The following NDUFA12 variants were observed in gnomAD, a reference collection of about 807,000 sequenced individuals.
NDUFA12 encodes NADH dehydrogenase [ubiquinone] 1 alpha subcomplex subunit 12.
Under a neutral mutation model 20.3 loss-of-function variants are expected in NDUFA12, and 17 were observed. The observed-to-expected ratio is 0.84, with a 90% CI of 0.57 to 1.26. The LOEUF (loss-of-function observed/expected upper bound fraction) is 1.26, where lower values mean the gene tolerates loss of function less well. Among genes scored for constraint, NDUFA12 ranks in the 50% most tolerant of loss-of-function variants. The pLI, the probability that NDUFA12 is intolerant of heterozygous loss-of-function variation, is 0.00. For missense variants in NDUFA12, 191 were observed against 183.7 expected (o/e 1.04, Z -0.23); for synonymous variants, 72 against 63.6 (o/e 1.13, Z -0.63).
At chr12:95,000,799 T>C (rs895659867) in intron 2 of NDUFA12, among the ~76,000 whole-genome samples, 1 of 152,174 alleles carries the variant, frequency 6.6e-6, no homozygotes, top group African/African-American at 2.4e-5. Context: ...GCTACTGGAA[T>C]TTTTTTATAT....
intron 3 of NDUFA12, among the ~76,000 whole-genome samples, chr12:94,992,045 A>G (rs561967917): frequency 3.9e-5 from 6 of 152,312 alleles, no homozygotes; most frequent in African/African-American, 1.4e-4. Flanking sequence ...AGCTCTGATG[A>G]TCAAATTCAA....
Position 95,003,629 on chromosome 12 carries a change from C to G in NDUFA12, c.52G>C (p.Gly18Arg). ...ACCCGTAGATAGCCTCGGAGACCGC[C>G]GTGGCCGGTGATCTGCTGCAGCCCG... The part of the protein sequence containing the change: ...KRGLQQITGH[G>R]GLRGYLRVFF... The change falls in exon 1 of 4, where the codon GGC becomes CGC. Residue 18 changes from glycine to arginine, a missense_variant. Transcript: ENST00000327772. 4 of 1,614,202 alleles carry G rather than the reference C, an allele frequency of 2.5e-6. No individual in the cohort carries two copies. Among genetic ancestry groups the G allele is most frequent in the Admixed American group, 1.7e-5 (1 of 60,022 alleles).
intron 3 of NDUFA12, among the ~76,000 whole-genome samples, chr12:94,988,349 A>G (rs538249521): frequency 2.1e-4 from 32 of 151,998 alleles, no homozygotes; most frequent in African/African-American, 7.2e-4. Flanking sequence ...CGTACACACT[A>G]AAGTATTCAG....
intron 3 of NDUFA12, among the ~76,000 whole-genome samples, chr12:94,992,038 TCTGATGATCAAATTCAATTAA>T (rs2136068416): frequency 6.6e-6 from 1 of 152,296 alleles, no homozygotes; most frequent in South Asian, 2.1e-4. Context: ...CAAAACTAGC[TCTGATGATCAAATTCAATTAA>T]AATAAAATGT....
chr12:94,991,718 C>T (rs938244394), intron 3 of NDUFA12, among the ~76,000 whole-genome samples: 2 of 130,934 alleles, frequency 1.5e-5, no homozygotes, highest in Admixed American at 8.8e-5. Context: ...CAGAGTGAGA[C>T]GCTATCTCAA....
intron 3 of NDUFA12, among the ~76,000 whole-genome samples, chr12:94,983,801 C>G (rs1311580189): frequency 6.6e-6 from 1 of 152,094 alleles, no homozygotes; most frequent in Non-Finnish European, 1.5e-5. Flanking sequence ...CCACACTTGC[C>G]TTGCCTCCTT....
At chr12:94,982,643 C>T (rs1257878894) in intron 3 of NDUFA12, among the ~76,000 whole-genome samples, 1 of 151,946 alleles carries the variant, frequency 6.6e-6, no homozygotes, top group Non-Finnish European at 1.5e-5. Context: ...GAGACAGGTG[C>T]AGGAGCTGCC....
intron 3 of NDUFA12, among the ~76,000 whole-genome samples, chr12:94,973,509 C>T (rs561162378): frequency 5.9e-5 from 9 of 152,246 alleles, no homozygotes; most frequent in South Asian, 2.1e-4. Context: ...TGTGAGCTTA[C>T]GGCACAGCTG....
At chr12:94,987,818 G>T (rs80348757) in intron 3 of NDUFA12, among the ~76,000 whole-genome samples, 3,028 of 132,924 alleles carry the variant, frequency 0.023, 103 homozygotes, top group African/African-American at 0.079. Flanking sequence ...AAAAAAAAAG[G>T]TAAAGAAAAA....
At chr12:94,982,295 A>T (rs1317546380) in intron 3 of NDUFA12, among the ~76,000 whole-genome samples, 4 of 127,878 alleles carry the variant, frequency 3.1e-5, no homozygotes, top group Non-Finnish European at 6.6e-5. Flanking sequence ...TTTTTTTTTG[A>T]GACAGAGTCT....
chr12:94,999,353 AAATC>A (rs1874944174), intron 2 of NDUFA12, among the ~76,000 whole-genome samples: 1 of 151,652 alleles, frequency 6.6e-6, no homozygotes, highest in Non-Finnish European at 1.5e-5. Context: ...TCAAAGAGTT[AAATC>A]TAAGACCTGA....
chr12:94,977,429 G>A (rs1432332682), intron 3 of NDUFA12, among the ~76,000 whole-genome samples: 3 of 151,856 alleles, frequency 2.0e-5, no homozygotes, highest in African/African-American at 4.8e-5. Flanking sequence ...TTATGATCAC[G>A]GCACTACACT....
At chr12:94,975,780 G>A (rs1874046040) in intron 3 of NDUFA12, among the ~76,000 whole-genome samples, 1 of 152,188 alleles carries the variant, frequency 6.6e-6, no homozygotes, top group Non-Finnish European at 1.5e-5. Flanking sequence ...CAGGTATGGT[G>A]CCTCACACCT....
chr12:95,001,083 T>C (rs1875009898), intron 2 of NDUFA12, among the ~76,000 whole-genome samples: 1 of 152,142 alleles, frequency 6.6e-6, no homozygotes, highest in South Asian at 2.1e-4. Context: ...GACAAGAGGA[T>C]GGCTTAAGCC....
At chr12:94,983,132 T>C (rs1202250682) in intron 3 of NDUFA12, among the ~76,000 whole-genome samples, 1 of 152,090 alleles carries the variant, frequency 6.6e-6, no homozygotes, top group African/African-American at 2.4e-5. Context: ...GTACCTCTAG[T>C]AGTTCAGGCC....
intron 3 of NDUFA12, among the ~76,000 whole-genome samples, chr12:94,980,064 G>A (rs567606813): frequency 2.6e-5 from 4 of 151,996 alleles, no homozygotes; most frequent in East Asian, 1.9e-4. Flanking sequence ...TCAATACAAC[G>A]AGGCTTCCCT....
At chr12:94,990,866 C>T in intron 3 of NDUFA12, among the ~76,000 whole-genome samples, 1 of 152,164 alleles carries the variant, frequency 6.6e-6, no homozygotes, top group Non-Finnish European at 1.5e-5. Flanking sequence ...ATGTACAGTA[C>T]AAATATGTTT....
At chr12:94,987,783 C>T (rs1255053088) in intron 3 of NDUFA12, among the ~76,000 whole-genome samples, 1 of 84,878 alleles carries the variant, frequency 1.2e-5, no homozygotes, top group Non-Finnish European at 2.0e-5. Flanking sequence ...CAGGGCAGGA[C>T]ATTGTCTCAA....
intron 3 of NDUFA12, among the ~76,000 whole-genome samples, chr12:94,977,467 T>G (rs556058373): frequency 2.1e-5 from 1 of 48,632 alleles, no homozygotes; most frequent in Admixed American, 2.8e-4. Flanking sequence ...CAAGACCTTG[T>G]GTCAAAAAAA....
Sources: gnomAD v4.1 joint callset for allele counts (sites outside exome capture counted in the v4.1 genomes callset) on GRCh38, gnomAD v4.1.1 for gene constraint, MANE v1.5 for transcripts, NCBI Gene and HGNC (gene_info 2026-07-23, HGNC 2026-07-21) for gene names.